The following TOP1 variants were observed in gnomAD, a reference collection of about 807,000 sequenced individuals.
TOP1 encodes DNA topoisomerase 1.
A neutral mutation model predicts 111.1 loss-of-function variants in TOP1; 10 were observed. The observed-to-expected ratio is 0.09, with a 90% CI of 0.06 to 0.15. TOP1 has a LOEUF of 0.15. TOP1 is among the 10% of genes least tolerant of loss of function. The pLI is 1.00. For synonymous variants in TOP1, 271 were observed against 302.9 expected, an observed-to-expected ratio of 0.89 and a Z score of 1.10; for missense variants, 474 against 926.7, an observed-to-expected ratio of 0.51 and a Z score of 6.34.
In TOP1 at chr20:41,109,406, TTAGAG is replaced by T. The variant is rs1351429985; in HGVS notation, c.1309-3371_1309-3367del. On this transcript the variant is annotated intron_variant, in intron 13 of 20. Transcript: ENST00000361337. This position sits in a 1 kb window ranked among gnomAD's most constrained non-coding sequence, Gnocchi z 4.1. ...GGTGATATCATGGTTGAATATGACCTTAGAGTAGATTCCTTAGGACAGAAAAACAC... is the reference window on the plus strand; with the variant it reads ...GGTGATATCATGGTTGAATATGACCTTAGATTCCTTAGGACAGAAAAACAC... 6.6e-6 allele frequency among the ~76,000 whole-genome samples: 1 copy of T among 152,130 alleles called. No homozygotes were observed. The highest frequency in any genetic ancestry group is 1.5e-5 in the Non-Finnish European group (1 of 68,016).
intron 2 of TOP1, among the ~76,000 whole-genome samples, chr20:41,055,692 C>T (rs1000827241): frequency 2.0e-4 from 30 of 152,230 alleles, no homozygotes; most frequent in African/African-American, 7.2e-4. Flanking sequence ...GCATTTATTA[C>T]ACATAGTAGT....
At position 41,123,284 on chromosome 20, in the gene TOP1, A is replaced by C; in HGVS notation, c.2285A>C (p.Asp762Ala). The change falls in exon 21 of 21, where the codon GAC becomes GCC. Residue 762 changes from aspartate to alanine, a missense_variant. Asp to Ala is a moderately radical substitution (Grantham distance 126, BLOSUM62 -2). This residue lies in a region of TOP1 where 26 missense variants were observed against 81.8 expected (regional missense o/e 0.32). Coordinates refer to ENST00000361337, the MANE Select transcript of TOP1 (RefSeq NM_003286.4). This position sits in a 1 kb window ranked among gnomAD's most constrained non-coding sequence, Gnocchi z 5.8. Reference protein sequence around the residue: ...FAWAIDMADEDYEF With the variant: ...FAWAIDMADEAYEF The stretch of plus-strand genomic sequence containing the variant: ...TGGGCCATTGACATGGCTGATGAAG[A>C]CTATGAGTTTTAGCCAGTCTCAAGA... 1 of 1,613,220 alleles carries C rather than the reference A, an allele frequency of 6.2e-7. No homozygotes were observed. The highest frequency in any genetic ancestry group is 1.3e-5 in the African/African-American group (1 of 75,016).
intron 14 of TOP1, among the ~76,000 whole-genome samples, chr20:41,113,404 C>T (rs1235422955): frequency 6.6e-6 from 1 of 151,952 alleles, no homozygotes; most frequent in Non-Finnish European, 1.5e-5. Flanking sequence ...TTTCTCCATC[C>T]CTATTTCAGA....
Position 41,078,731 on chromosome 20 carries a change from T to C in TOP1, c.335+1094T>C, listed in dbSNP as rs1314684787. On this transcript the variant is annotated intron_variant, in intron 5 of 20. Coordinates refer to ENST00000361337, the MANE Select transcript of TOP1 (RefSeq NM_003286.4). The surrounding 1 kb of genome is among the most constrained non-coding windows in gnomAD (Gnocchi z 5.3). ...ATTTTTTGGACTTGGTGCATAGTCA[T>C]GAATTCATTTTCAGACTTTTTGGGT... Among the ~76,000 whole-genome samples, 1 of 152,228 alleles carries C rather than the reference T, an allele frequency of 6.6e-6. No individual in the cohort carries two copies.
At position 41,029,214 on chromosome 20, in the gene TOP1, C is replaced by T. The variant is rs1444828644; in HGVS notation, c.33+114C>T. 2 of 883,166 alleles carry T rather than the reference C, an allele frequency of 2.3e-6. No homozygotes were observed. The highest frequency in any genetic ancestry group is 4.3e-5 in the Admixed American group (1 of 23,448). The allele number at this position is 883,166 out of a possible 1,614,324, so 54.7% of individuals were successfully genotyped here. ...GGCAGCTTTGACAGGCCGGAGCCCCCGGTGAGGGGCCGCCTGCCGGAGTAG... is the reference window on the plus strand; with the variant it reads ...GGCAGCTTTGACAGGCCGGAGCCCCTGGTGAGGGGCCGCCTGCCGGAGTAG... On this transcript the variant is annotated intron_variant, in intron 1 of 20. Coordinates refer to ENST00000361337, the MANE Select transcript of TOP1 (RefSeq NM_003286.4). The surrounding 1 kb of genome is among the most constrained non-coding windows in gnomAD (Gnocchi z 6.1).
At chr20:41,059,139 A>C (rs1202529107) in intron 2 of TOP1, among the ~76,000 whole-genome samples, 1 of 152,084 alleles carries the variant, frequency 6.6e-6, no homozygotes, top group African/African-American at 2.4e-5. Context: ...GGACACATGT[A>C]GGGGAACAGC....
intron 14 of TOP1, among the ~76,000 whole-genome samples, chr20:41,113,380 A>AT (rs886185332): frequency 3.0e-4 from 45 of 150,710 alleles, no homozygotes; most frequent in African/African-American, 9.5e-4. Flanking sequence ...GCCTTATTTA[A>AT]TTTTTTTTTT....
At position 41,100,249 on chromosome 20, in the gene TOP1, C is replaced by T. The variant is rs986889816; in HGVS notation, c.1163+6C>T. On this transcript the variant is annotated splice_donor_region_variant and intron_variant, in intron 12 of 20. Transcript: ENST00000361337. The surrounding 1 kb of genome is among the most constrained non-coding windows in gnomAD (Gnocchi z 4.4). The stretch of plus-strand genomic sequence containing the variant: ...ATAATCATCAACTGTAGCAAGTGAG[C>T]TCGCACTTCATCCTATGGGCCAAAA... 8 of 1,608,924 alleles carry T rather than the reference C, an allele frequency of 5.0e-6. No individual in the cohort carries two copies. Among genetic ancestry groups the T allele is most frequent in the Non-Finnish European group, 5.9e-6 (7 of 1,177,012 alleles).
Position 41,118,161 on chromosome 20 carries a change from C to A in TOP1, c.1823-8C>A, listed in dbSNP as rs1206091113. ...GACCCTCTTGCTACCATGTTCCTTTCTTTACAGCGGATGAGAACATCCCAG... is the reference window on the plus strand; with the variant it reads ...GACCCTCTTGCTACCATGTTCCTTTATTTACAGCGGATGAGAACATCCCAG... On this transcript the variant is annotated splice_polypyrimidine_tract_variant and splice_region_variant and intron_variant, in intron 17 of 20. Transcript: ENST00000361337. The surrounding 1 kb of genome is among the most constrained non-coding windows in gnomAD (Gnocchi z 4.6). 7 of 1,613,032 alleles carry A rather than the reference C, an allele frequency of 4.3e-6. No homozygotes were observed. Among genetic ancestry groups the A allele is most frequent in the African/African-American group, 4.0e-5 (3 of 74,922 alleles).
intron 9 of TOP1, among the ~76,000 whole-genome samples, chr20:41,093,890 A>G (rs1473115542): frequency 2.0e-5 from 3 of 152,016 alleles, no homozygotes; most frequent in Admixed American, 6.6e-5. Context: ...TTGTTTTTTA[A>G]AATGCCATAT....
rs1253682399 is a variant in TOP1, at chr20:41,101,194, C to G, written c.1164-15C>G. ...CACATCTTATTTCACTATCCTCGTG[C>G]TCTGTTATTTCCAGAGATGCCAAGG... On this transcript the variant is annotated splice_polypyrimidine_tract_variant and intron_variant, in intron 12 of 20. Transcript: ENST00000361337. The surrounding 1 kb of genome is among the most constrained non-coding windows in gnomAD (Gnocchi z 4.1). The G allele has an allele frequency of 1.2e-6, 2 of 1,613,542 alleles. No individual in the cohort carries two copies. The highest frequency in any genetic ancestry group is 1.7e-6 in the Non-Finnish European group (2 of 1,179,638).
chr20:41,042,509 T>C (rs1429600569), intron 2 of TOP1, among the ~76,000 whole-genome samples: 6 of 152,198 alleles, frequency 3.9e-5, no homozygotes, highest in South Asian at 2.1e-4. Context: ...ATCAGGACTT[T>C]AGAAAGTAAG....
intron 2 of TOP1, among the ~76,000 whole-genome samples, chr20:41,043,768 C>T (rs896039428): frequency 6.6e-6 from 1 of 152,222 alleles, no homozygotes; most frequent in African/African-American, 2.4e-5. Context: ...TAGTCACTCT[C>T]ACTCTTCCCA....
rs756443481 is a variant in TOP1, at chr20:41,114,072, G to A, written c.1555G>A (p.Asp519Asn). 2.2e-5 allele frequency: 36 copies of A among 1,614,174 alleles called. No homozygotes were observed. The highest frequency in any genetic ancestry group is 3.1e-5 in the Non-Finnish European group (36 of 1,180,004). Residue 519 changes from aspartate to asparagine, a missense_variant, in exon 15 of 21, where the codon GAT (aspartate) becomes AAT (asparagine). By Grantham distance (23) the Asp-to-Asn change is conservative (BLOSUM62 1). Around this residue, in one of 14 missense-constraint regions of TOP1, gnomAD observed 18 missense variants for 16.4 expected, o/e 1.10. Coordinates refer to ENST00000361337, the MANE Select transcript of TOP1 (RefSeq NM_003286.4). This position sits in a 1 kb window ranked among gnomAD's most constrained non-coding sequence, Gnocchi z 4.5. Reference protein sequence around the residue: ...VEHINLHPELDGQEYVVEFDF... With the variant: ...VEHINLHPELNGQEYVVEFDF... Reference sequence around the variant, plus strand: ...GCACATCAATCTACACCCAGAGTTGGATGGTCAGGAATATGTGGTAGAGTT... The same window carrying A: ...GCACATCAATCTACACCCAGAGTTGAATGGTCAGGAATATGTGGTAGAGTT...
chr20:41,048,092 T>TA (rs57371417), intron 2 of TOP1, among the ~76,000 whole-genome samples: 3,901 of 125,614 alleles, frequency 0.031, 91 homozygotes, highest in African/African-American at 0.066. Flanking sequence ...GGCTATAAAT[T>TA]AAAAAAAAAA....
intron 8 of TOP1, among the ~76,000 whole-genome samples, chr20:41,087,746 G>C: frequency 6.6e-6 from 1 of 152,184 alleles, no homozygotes. Flanking sequence ...ACTGTGAAGT[G>C]CTTGTTAACT....
chr20:41,101,092 A>G lies in TOP1; in HGVS notation c.1164-117A>G. ...TGCATAAGGTGGGACTACTGTATTG[A>G]CTGTTAAGAAGGAAACTTGGAAAAT... is the stretch of plus-strand genomic sequence containing the variant. On this transcript the variant is annotated intron_variant, in intron 12 of 20. Transcript: ENST00000361337. This position sits in a 1 kb window ranked among gnomAD's most constrained non-coding sequence, Gnocchi z 4.1. The G allele has an allele frequency of 9.4e-7, 1 of 1,062,518 alleles. No individual in the cohort carries two copies. Among genetic ancestry groups the G allele is most frequent in the Admixed American group, 2.0e-5 (1 of 49,826 alleles). 65.8% of individuals were successfully genotyped at this position (1,062,518 alleles called of 1,614,324 possible). A position where few individuals can be genotyped will look rare whatever the true frequency, so the allele number is the denominator to read the frequency against.
intron 8 of TOP1, among the ~76,000 whole-genome samples, chr20:41,088,283 G>A (rs1411037695): frequency 1.3e-5 from 2 of 152,284 alleles, no homozygotes; most frequent in East Asian, 1.9e-4. Flanking sequence ...CAGATCACGA[G>A]GTCAGTAGAT....
At chr20:41,068,766 A>G (rs1280538666) in intron 3 of TOP1, among the ~76,000 whole-genome samples, 1 of 152,224 alleles carries the variant, frequency 6.6e-6, no homozygotes, top group Admixed American at 6.5e-5. Flanking sequence ...CGTAGCTTGT[A>G]GGATCTCACG....
Sources: allele counts gnomAD v4.1 joint callset (sites outside exome capture counted in the v4.1 genomes callset), GRCh38; gene constraint gnomAD v4.1.1; regional missense constraint gnomAD v4.1.1; non-coding constraint Gnocchi (gnomAD v3.1); transcripts MANE v1.5; gene names NCBI Gene and HGNC (gene_info 2026-07-23, HGNC 2026-07-21).